PTPRD: variants seen among roughly 807,000 people sequenced by gnomAD.
PTPRD encodes receptor-type tyrosine-protein phosphatase delta.
PTPRD carries 34 observed loss-of-function variants against 214.5 expected under a neutral mutation model. That is an observed-to-expected ratio of 0.16 (90% CI 0.12 to 0.21). The LOEUF (loss-of-function observed/expected upper bound fraction) is 0.21, where lower values mean the gene tolerates loss of function less well. Ranked by LOEUF, PTPRD falls within the 10% of genes least tolerant of loss-of-function variation. The pLI, the probability that PTPRD is intolerant of heterozygous loss-of-function variation, is 1.00. For synonymous variants in PTPRD, 1,128 were observed against 845.7 expected (o/e 1.33, Z -5.79); for missense variants, 2,545 against 2,398.7 (o/e 1.06, Z -1.27).
intron 3 of PTPRD, among the ~76,000 whole-genome samples, chr9:10,209,588 T>A (rs191796338): frequency 7.9e-5 from 12 of 152,254 alleles, no homozygotes; most frequent in Admixed American, 7.8e-4. Context: ...AGGTTTTTTT[T>A]AAGTTGTTAT....
At chr9:9,715,648 T>C (rs2097807285) in intron 7 of PTPRD, among the ~76,000 whole-genome samples, 1 of 152,166 alleles carries the variant, frequency 6.6e-6, no homozygotes, top group Non-Finnish European at 1.5e-5. Flanking sequence ...AGATACTTCA[T>C]CTGGATGGAG....
intron 5 of PTPRD, among the ~76,000 whole-genome samples, chr9:9,926,777 T>C (rs1211339957): frequency 1.3e-5 from 2 of 152,174 alleles, no homozygotes; most frequent in South Asian, 2.1e-4. Flanking sequence ...ATCAAAGGTA[T>C]AGTTTACCCA....
intron 33 of PTPRD, chr9:8,454,619 G>C (rs1360264542): frequency 1.9e-6 from 3 of 1,611,312 alleles, no homozygotes; most frequent in African/African-American, 1.3e-5. Flanking sequence ...AGCAAAAAAA[G>C]GAAAAAGAAA....
chr9:10,128,068 A>G (rs291302), intron 3 of PTPRD, among the ~76,000 whole-genome samples: 62,249 of 151,924 alleles, frequency 0.41, 13,986 homozygotes, highest in Middle Eastern at 0.52. Context: ...ACTCAGGATG[A>G]AGTCAGATCT....
intron 3 of PTPRD, among the ~76,000 whole-genome samples, chr9:10,142,333 A>C (rs79044980): frequency 0.23 from 35,256 of 150,926 alleles, 4,214 homozygotes; most frequent in South Asian, 0.41. Flanking sequence ...CAGAGTGAAC[A>C]GGCAACCCAC....
At chr9:8,351,495 A>T (rs967910418) in intron 39 of PTPRD, among the ~76,000 whole-genome samples, 1 of 151,976 alleles carries the variant, frequency 6.6e-6, no homozygotes, top group African/African-American at 2.4e-5. Flanking sequence ...TATAATAAAT[A>T]TCATAATTAC....
chr9:10,291,069 G>T (rs1206508991), intron 3 of PTPRD, among the ~76,000 whole-genome samples: 1 of 145,040 alleles, frequency 6.9e-6, no homozygotes, highest in Non-Finnish European at 1.5e-5. Flanking sequence ...ATTTCTTTAA[G>T]AATGAGCATA....
At chr9:9,066,055 T>C (rs993519440) in intron 10 of PTPRD, among the ~76,000 whole-genome samples, 1 of 152,156 alleles carries the variant, frequency 6.6e-6, no homozygotes, top group Non-Finnish European at 1.5e-5. Context: ...ATATATATCA[T>C]TGGAGGGATT....
At chr9:10,546,146 C>T (rs1390621912) in intron 2 of PTPRD, among the ~76,000 whole-genome samples, 1 of 151,974 alleles carries the variant, frequency 6.6e-6, no homozygotes, top group Non-Finnish European at 1.5e-5. Context: ...ATAGTATTGG[C>T]CTGTGAGTAA....
chr9:9,168,871 T>G (rs2099909156), intron 10 of PTPRD, among the ~76,000 whole-genome samples: 1 of 151,842 alleles, frequency 6.6e-6, no homozygotes, highest in African/African-American at 2.4e-5. Context: ...TCTTTTAGAT[T>G]TTTTTAAAAA....
In PTPRD at chr9:8,373,909, T is replaced by C. The variant is rs7039037; in HGVS notation, c.4661+2027A>G. On this transcript the variant is annotated intron_variant, in intron 39 of 45. Transcript: ENST00000381196. ...ATCTATCTATCTATCTATCTATCTA[T>C]CTATCTACCTACCTACCTATCTCAG... Among the ~76,000 whole-genome samples the C allele has an allele frequency of 8.2e-3, 644 of 78,126 alleles. 6 individuals carry two copies. The highest frequency in any genetic ancestry group is 0.011 in the Admixed American group (94 of 8,236). 51.3% of individuals were successfully genotyped at this position (78,126 alleles called of 152,430 possible). A position where few individuals can be genotyped will look rare whatever the true frequency, so the allele number is the denominator to read the frequency against.
chr9:9,919,798 C>T (rs752729564), intron 5 of PTPRD, among the ~76,000 whole-genome samples: 2 of 152,102 alleles, frequency 1.3e-5, no homozygotes, highest in Admixed American at 6.6e-5. Flanking sequence ...CCTCAGTCTT[C>T]GTTACTGCAG....
At chr9:9,248,464 T>C (rs570985184) in intron 9 of PTPRD, among the ~76,000 whole-genome samples, 10 of 152,204 alleles carry the variant, frequency 6.6e-5, no homozygotes, top group African/African-American at 2.4e-4. Context: ...CAATGATTTT[T>C]GTAACTTCTT....
Position 10,151,634 on chromosome 9 carries a change from A to G in PTPRD, c.-544-117844T>C, listed in dbSNP as rs144120395. 6.8e-3 allele frequency among the ~76,000 whole-genome samples: 1,036 copies of G among 152,230 alleles called. 9 individuals are homozygous for G. The highest frequency in any genetic ancestry group is 0.023 in the African/African-American group (975 of 41,532). On this transcript the variant is annotated intron_variant, in intron 3 of 45. Coordinates refer to ENST00000381196, the MANE Select transcript of PTPRD (RefSeq NM_002839.4). Reference sequence around the variant, plus strand: ...ATACAGAAAGTTTACTATTTTTAGCATAAAATACTGTGAGTTTTGGTAAAT... The same window carrying G: ...ATACAGAAAGTTTACTATTTTTAGCGTAAAATACTGTGAGTTTTGGTAAAT...
chr9:9,619,631 A>G (rs941465792), intron 7 of PTPRD, among the ~76,000 whole-genome samples: 4 of 145,548 alleles, frequency 2.7e-5, no homozygotes, highest in Non-Finnish European at 6.0e-5. Context: ...AATAATCTAT[A>G]TGTTAATATT....
chr9:10,149,724 T>A (rs1227023233), intron 3 of PTPRD, among the ~76,000 whole-genome samples: 1 of 150,852 alleles, frequency 6.6e-6, no homozygotes, highest in Non-Finnish European at 1.5e-5. Flanking sequence ...ATACCTTGTC[T>A]TTTTTTTTCT....
intron 2 of PTPRD, among the ~76,000 whole-genome samples, chr9:10,360,690 T>C (rs1231394890): frequency 6.6e-6 from 1 of 152,230 alleles, no homozygotes; most frequent in Non-Finnish European, 1.5e-5. Flanking sequence ...CCAAAAGCTT[T>C]ATTTAGCACG....
chr9:10,582,206 TG>T (rs2072128581), intron 2 of PTPRD, among the ~76,000 whole-genome samples: 1 of 152,186 alleles, frequency 6.6e-6, no homozygotes, highest in South Asian at 2.1e-4. Context: ...CCGGTGAAAC[TG>T]TTTATCAACA....
intron 11 of PTPRD, among the ~76,000 whole-genome samples, chr9:8,955,590 C>T (rs1177578667): frequency 1.3e-5 from 2 of 151,742 alleles, no homozygotes; most frequent in African/African-American, 4.8e-5. Flanking sequence ...ATGAGGCTTC[C>T]TCTGAGAGGC....
Sources: allele counts gnomAD v4.1 joint callset (sites outside exome capture counted in the v4.1 genomes callset), GRCh38; gene constraint gnomAD v4.1.1; transcripts MANE v1.5; gene names NCBI Gene and HGNC (gene_info 2026-07-23, HGNC 2026-07-21).